FRMD6: variants seen among roughly 807,000 people sequenced by gnomAD.
FRMD6 encodes the protein FERM domain-containing protein 6.
FRMD6 carries 37 observed loss-of-function variants against 73.2 expected under a neutral mutation model. The ratio of observed to expected loss-of-function variants is 0.51; its 90% CI spans 0.39 to 0.66. The LOEUF (loss-of-function observed/expected upper bound fraction) is 0.66. Ranked by LOEUF, FRMD6 falls within the 30% of genes least tolerant of loss-of-function variation. The probability of loss-of-function intolerance (pLI) is 0.00; values close to 1 mark genes in which losing one functional copy is unlikely to be tolerated. For synonymous variants in FRMD6, 273 were observed against 282.2 expected, an observed-to-expected ratio of 0.97 and a Z score of 0.33; for missense variants, 714 against 780.5, an observed-to-expected ratio of 0.91 and a Z score of 1.02.
At chr14:51,682,854 G>T (rs1332041076) in intron 1 of FRMD6, among the ~76,000 whole-genome samples, 1 of 152,172 alleles carries the variant, frequency 6.6e-6, no homozygotes, top group Non-Finnish European at 1.5e-5. Flanking sequence ...ACTGTGGTTG[G>T]AGAATGAACC....
chr14:51,533,580 G>C (rs190578256), intron 1 of FRMD6, among the ~76,000 whole-genome samples: 36 of 152,258 alleles, frequency 2.4e-4, no homozygotes, highest in Admixed American at 1.9e-3. Flanking sequence ...AACTCATTCA[G>C]CAACTGGGAA....
chr14:51,678,494 T>C (rs1330092340), intron 1 of FRMD6, among the ~76,000 whole-genome samples: 2 of 152,164 alleles, frequency 1.3e-5, no homozygotes. Context: ...GCAGAAAATA[T>C]TCAAGAAGCT....
chr14:51,725,199 G>A (rs1897881251), intron 12 of FRMD6, among the ~76,000 whole-genome samples: 1 of 152,182 alleles, frequency 6.6e-6, no homozygotes, highest in Non-Finnish European at 1.5e-5. Flanking sequence ...GGCAGGTGCT[G>A]TTATTGGCCC....
upstream of FRMD6, chr14:51,651,128 C>G (rs1367320134): frequency 6.5e-6 from 1 of 152,772 alleles, no homozygotes; most frequent in Non-Finnish European, 1.5e-5. Flanking sequence ...CCTCCATCCC[C>G]CAAAGCCACT....
intron 1 of FRMD6, among the ~76,000 whole-genome samples, chr14:51,489,951 C>G (rs534105160): frequency 2.6e-5 from 4 of 152,238 alleles, no homozygotes; most frequent in Admixed American, 1.3e-4. Flanking sequence ...AAGTAGGTGT[C>G]GGTTACATTA....
At chr14:51,463,288 A>C in the FRMD6 span, among the ~76,000 whole-genome samples, 2 of 152,238 alleles carry the variant, frequency 1.3e-5, no homozygotes, top group Non-Finnish European at 2.9e-5. Flanking sequence ...CAAGTCTGTG[A>C]TATAAAGTGG....
the FRMD6 span, among the ~76,000 whole-genome samples, chr14:51,426,655 A>G: frequency 4.6e-3 from 699 of 152,350 alleles, 5 homozygotes; most frequent in African/African-American, 0.016. Flanking sequence ...AAGTAGGATA[A>G]GAGATGCCAG....
the FRMD6 span, among the ~76,000 whole-genome samples, chr14:51,437,297 C>G: frequency 6.6e-6 from 1 of 152,172 alleles, no homozygotes; most frequent in Admixed American, 6.5e-5. Flanking sequence ...CATCCATGTT[C>G]CTGCAAAGAG....
At chr14:51,676,373 A>G (rs1000891727) in intron 1 of FRMD6, among the ~76,000 whole-genome samples, 2 of 152,212 alleles carry the variant, frequency 1.3e-5, no homozygotes, top group African/African-American at 4.8e-5. Flanking sequence ...ACAAGAATTC[A>G]TTAACAATAC....
the FRMD6 span, among the ~76,000 whole-genome samples, chr14:51,469,076 G>T: frequency 6.6e-6 from 1 of 151,720 alleles, no homozygotes; most frequent in South Asian, 2.1e-4. Context: ...GAGTAGCTGG[G>T]ACTACAGGCC....
At chr14:51,573,643 G>A (rs572214946) in intron 2 of FRMD6, among the ~76,000 whole-genome samples, 1 of 152,312 alleles carries the variant, frequency 6.6e-6, no homozygotes, top group South Asian at 2.1e-4. Flanking sequence ...CTACTGTGGA[G>A]CCAACATCAC....
At chr14:51,635,355 A>C (rs1891512859) in intron 2 of FRMD6, among the ~76,000 whole-genome samples, 1 of 152,206 alleles carries the variant, frequency 6.6e-6, no homozygotes, top group Admixed American at 6.5e-5. Context: ...TGATTGTGGC[A>C]CTGCACTGCA....
chr14:51,554,580 T>G (rs767048888), intron 1 of FRMD6: 1 of 152,196 alleles, frequency 6.6e-6, no homozygotes, highest in Non-Finnish European at 1.5e-5. Context: ...ATCTGTGACT[T>G]TCTCCCCAGA....
rs202064154 is a variant in FRMD6, at chr14:51,507,559, G to GT, written c.-210+18140dup. Among the ~76,000 whole-genome samples the GT allele has an allele frequency of 9.9e-3, 1,502 of 152,238 alleles. 29 individuals carry two copies. The highest frequency in any genetic ancestry group is 0.034 in the African/African-American group (1,427 of 41,528). On this transcript the variant is annotated intron_variant, in intron 1 of 14. Transcript: ENST00000356218. ...GGGAAAATCATCTTTAAAAGTCTCC[G>GT]TATCAGGAATTCCAGTCTGGCTGAG... is the stretch of plus-strand genomic sequence containing the variant.
chr14:51,703,626 C>T (rs1056422605), intron 5 of FRMD6, among the ~76,000 whole-genome samples: 1 of 152,000 alleles, frequency 6.6e-6, no homozygotes, highest in Non-Finnish European at 1.5e-5. Context: ...TTTAATGCAT[C>T]CCTATACTTC....
At chr14:51,413,729 G>A in the FRMD6 span, among the ~76,000 whole-genome samples, 24 of 152,150 alleles carry the variant, frequency 1.6e-4, no homozygotes, top group African/African-American at 5.8e-4. Context: ...TTGAGGAATC[G>A]CCACACTGTC....
intron 2 of FRMD6, chr14:51,579,126 A>AT (rs1167290183): frequency 1.3e-5 from 2 of 152,134 alleles, no homozygotes; most frequent in African/African-American, 2.4e-5. Context: ...AGAGGAAAAC[A>AT]TAAGGGAGGA....
intron 1 of FRMD6, among the ~76,000 whole-genome samples, chr14:51,533,159 A>G (rs1885687785): frequency 6.6e-6 from 1 of 152,218 alleles, no homozygotes; most frequent in Non-Finnish European, 1.5e-5. Context: ...AGAGAGGACC[A>G]TTCAGAGGAA....
chr14:51,495,220 C>T (rs1287990311), intron 1 of FRMD6, among the ~76,000 whole-genome samples: 1 of 152,218 alleles, frequency 6.6e-6, no homozygotes, highest in Non-Finnish European at 1.5e-5. Flanking sequence ...TGTTTAATAA[C>T]ATGTTTCTTG....
Sources: allele counts gnomAD v4.1 joint callset (sites outside exome capture counted in the v4.1 genomes callset), GRCh38; gene constraint gnomAD v4.1.1; transcripts MANE v1.5; gene names NCBI Gene and HGNC (gene_info 2026-07-23, HGNC 2026-07-21).